MYOM1: variants seen among roughly 807,000 people sequenced by gnomAD.
MYOM1 encodes myomesin 1, also known as myomesin-1.
A neutral mutation model predicts 205.3 loss-of-function variants in MYOM1; 164 were observed. The ratio of observed to expected loss-of-function variants is 0.80; its 90% CI spans 0.70 to 0.91. MYOM1 has a LOEUF of 0.91. MYOM1 is among the 40% of genes least tolerant of loss of function. MYOM1 has a pLI of 0.00. For missense variants in MYOM1, 2,011 were observed against 2,127.3 expected, an observed-to-expected ratio of 0.95 and a Z score of 1.08; for synonymous variants, 772 against 789.4, an observed-to-expected ratio of 0.98 and a Z score of 0.37.
intron 31 of MYOM1, 85 bp from the exon 32 acceptor site, chr18:3,084,112 TC>T: frequency 7.0e-7 from 1 of 1,433,740 alleles, no homozygotes; most frequent in South Asian, 1.2e-5. Context: ...TCTCAAAAAT[TC>T]CCTTTCTGGT....
chr18:3,141,117 C>T (rs995146352), intron 14 of MYOM1, among the ~76,000 whole-genome samples: 1 of 152,132 alleles, frequency 6.6e-6, no homozygotes, highest in Non-Finnish European at 1.5e-5. Flanking sequence ...GACTTCTTAC[C>T]CCCACTAAGA....
intron 20 of MYOM1, among the ~76,000 whole-genome samples, chr18:3,117,313 G>A (rs943746100): frequency 2.6e-5 from 4 of 152,212 alleles, no homozygotes; most frequent in Non-Finnish European, 5.9e-5. Flanking sequence ...AATCTTCCCC[G>A]TAAAGAGTAT....
At chr18:3,095,516 C>T (rs750341017) in intron 25 of MYOM1, among the ~76,000 whole-genome samples, 1 of 152,060 alleles carries the variant, frequency 6.6e-6, no homozygotes, top group African/African-American at 2.4e-5. Flanking sequence ...TGCAGTGAGC[C>T]GAGATCGCGC....
At chr18:3,134,327 C>T (rs1253130525) in intron 16 of MYOM1, among the ~76,000 whole-genome samples, 1 of 152,108 alleles carries the variant, frequency 6.6e-6, no homozygotes, top group South Asian at 2.1e-4. Context: ...TCAAGGGATC[C>T]TCCCTCCTCA....
In MYOM1 at chr18:3,131,433, T is replaced by G; in HGVS notation, c.2448A>C (p.Ala816=). The change falls in exon 17 of 38, where the codon GCA becomes GCC. Residue 816 remains alanine (A), a synonymous_variant. Transcript: ENST00000356443. ...CCTGGGAATATTCACTAAGTCCAGC[T>G]GCATTGACTGCTCTGACCCGGAAAA... ...SYIFRVRAVN[A]AGLSEYSQDS... The G allele has an allele frequency of 6.2e-7, 1 of 1,613,914 alleles. No homozygotes were observed.
At chr18:3,247,314 A>G in the MYOM1 span, 3 of 152,276 alleles carry the variant, frequency 2.0e-5, no homozygotes, top group Admixed American at 1.3e-4. Flanking sequence ...GGATACGCGC[A>G]CTGCTCCGGG....
intron 16 of MYOM1, 33 bp from the exon 17 acceptor site, chr18:3,131,529 T>C (rs747089318): frequency 6.2e-7 from 1 of 1,600,810 alleles, no homozygotes; most frequent in South Asian, 1.1e-5. Flanking sequence ...AAAATTTTCC[T>C]AGGAGGAAGA....
At chr18:3,235,427 C>T in the MYOM1 span, among the ~76,000 whole-genome samples, 1 of 152,182 alleles carries the variant, frequency 6.6e-6, no homozygotes, top group African/African-American at 2.4e-5. Flanking sequence ...TAATACGATT[C>T]TGAACATACT....
chr18:3,120,112 A>C lies in MYOM1; in HGVS notation c.2992-117T>G. The C allele has an allele frequency of 3.0e-6, 4 of 1,326,964 alleles. No individual in the cohort carries two copies. The South Asian group carries it at 4.7e-5, about 15-fold the overall frequency. 82.2% of individuals were successfully genotyped at this position (1,326,964 alleles called of 1,614,324 possible). A position where few individuals can be genotyped will look rare whatever the true frequency, so the allele number is the denominator to read the frequency against. ...TCAGACACACCCTAGGGTGACCCTC[A>C]ATGAGTCACACCCCTTTTGTAATCT... On this transcript the variant is annotated intron_variant, in intron 19 of 37. Transcript: ENST00000356443.
intron 21 of MYOM1, among the ~76,000 whole-genome samples, chr18:3,115,282 T>C (rs76813348): frequency 0.035 from 5,298 of 152,244 alleles, 131 homozygotes; most frequent in South Asian, 0.084. Context: ...GGAGAGCTGA[T>C]TGGCATATGC....
chr18:3,134,810 G>C lies in MYOM1; in HGVS notation c.2224C>G (p.Pro742Ala). The change falls in exon 16 of 38, where the codon CCT becomes GCT. Residue 742 changes from proline to alanine, a missense_variant. Pro to Ala is a conservative substitution (Grantham distance 27). Coordinates refer to ENST00000356443, the MANE Select transcript of MYOM1 (RefSeq NM_003803.4). ...TTTCTGCTTGGGATGATTTTGCCAG[G>C]AGCCTTGGGGATATCTGAGAAAGAG... is the stretch of plus-strand genomic sequence containing the variant. Reference protein sequence around the residue: ...VGDKLDIPKAPGKIIPSRNTD... With the variant: ...VGDKLDIPKAAGKIIPSRNTD... 6.2e-7 allele frequency: 1 copy of C among 1,613,992 alleles called. No individual in the cohort carries two copies.
chr18:3,203,366 T>C (rs577625693), intron 2 of MYOM1, among the ~76,000 whole-genome samples: 1 of 151,760 alleles, frequency 6.6e-6, no homozygotes, highest in East Asian at 1.9e-4. Flanking sequence ...GAAAAGATCA[T>C]GACAATTAGT....
At chr18:3,125,133 G>A (rs1206655449) in intron 19 of MYOM1, among the ~76,000 whole-genome samples, 1 of 152,180 alleles carries the variant, frequency 6.6e-6, no homozygotes, top group Non-Finnish European at 1.5e-5. Flanking sequence ...CAAGGATGCA[G>A]AGTGATGGGA....
chr18:3,092,384 G>C (rs1477146802), intron 26 of MYOM1, among the ~76,000 whole-genome samples: 6 of 151,628 alleles, frequency 4.0e-5, no homozygotes, highest in Non-Finnish European at 7.4e-5. Context: ...GTAGAGATGA[G>C]GTTTCACTAT....
the MYOM1 span, among the ~76,000 whole-genome samples, chr18:3,241,863 G>A: frequency 6.6e-6 from 1 of 152,228 alleles, no homozygotes; most frequent in Non-Finnish European, 1.5e-5. Flanking sequence ...ACCTGGATGT[G>A]AGACATGGAG....
intron 20 of MYOM1, among the ~76,000 whole-genome samples, chr18:3,117,950 C>T (rs2079629538): frequency 6.6e-6 from 1 of 152,176 alleles, no homozygotes; most frequent in African/African-American, 2.4e-5. Flanking sequence ...CTTTTATAAC[C>T]ATGATCTTGT....
In MYOM1 at chr18:3,116,838, T is replaced by G. The variant is rs372152926; in HGVS notation, c.3119-323A>C. On this transcript the variant is annotated intron_variant, in intron 20 of 37. Coordinates refer to ENST00000356443, the MANE Select transcript of MYOM1 (RefSeq NM_003803.4). ...AGACCTTTTATTGGAACAGTCTGAT[T>G]TAGCTGCAGATTCATATTTTTTGAT... 2.6e-5 allele frequency among the ~76,000 whole-genome samples: 4 copies of G among 152,196 alleles called. No homozygotes were observed. The East Asian group carries it at 5.8e-4, about 22-fold the overall frequency.
At chr18:3,246,702 G>C in the MYOM1 span, 1 of 152,310 alleles carries the variant, frequency 6.6e-6, no homozygotes, top group Non-Finnish European at 1.5e-5. Context: ...TGCTTTGAAG[G>C]CGAAGACCAC....
chr18:3,120,534 A>C (rs1290415450), intron 19 of MYOM1, among the ~76,000 whole-genome samples: 1 of 152,192 alleles, frequency 6.6e-6, no homozygotes, highest in Non-Finnish European at 1.5e-5. Context: ...GAGGAACTCA[A>C]CATGAATGTG....
Sources: gnomAD v4.1 joint callset for allele counts (sites outside exome capture counted in the v4.1 genomes callset) on GRCh38, gnomAD v4.1.1 for gene constraint, MANE v1.5 for transcripts, NCBI Gene and HGNC (gene_info 2026-07-23, HGNC 2026-07-21) for gene names.